Variants in LRP1B observed in about 807,000 individuals in gnomAD.
The protein encoded by LRP1B is LDL receptor related protein 1B.
A neutral mutation model predicts 556.6 loss-of-function variants in LRP1B; 217 were observed. The ratio of observed to expected loss-of-function variants is 0.39; its 90% confidence interval spans 0.35 to 0.44. LRP1B has a LOEUF of 0.44. Ranked by LOEUF, LRP1B falls within the 20% of genes least tolerant of loss-of-function variation. The pLI, the probability that LRP1B is intolerant of heterozygous loss-of-function variation, is 1.00. For synonymous variants in LRP1B, 2,047 were observed against 1,865.8 expected (o/e 1.10, Z -2.50); for missense variants, 5,053 against 5,620.8 (o/e 0.90, Z 3.23).
At chr2:141,334,403 G>C (rs557483825) in intron 3 of LRP1B, among the ~76,000 whole-genome samples, 1 of 152,320 alleles carries the variant, frequency 6.6e-6, no homozygotes, top group African/African-American at 2.4e-5. Context: ...TTTGACTTCT[G>C]CCATGAGCTA....
intron 35 of LRP1B, among the ~76,000 whole-genome samples, chr2:140,763,227 A>C (rs1688990626): frequency 6.6e-6 from 1 of 152,136 alleles, no homozygotes; most frequent in Non-Finnish European, 1.5e-5. Flanking sequence ...CTAATAATTT[A>C]CTGTGAATTG....
intron 3 of LRP1B, among the ~76,000 whole-genome samples, chr2:141,441,418 T>A (rs985147638): frequency 6.6e-6 from 1 of 152,190 alleles, no homozygotes; most frequent in African/African-American, 2.4e-5. Flanking sequence ...TTGGCATTAC[T>A]GTTTTCCACT....
intron 41 of LRP1B, among the ~76,000 whole-genome samples, chr2:140,627,845 G>A (rs912395183): frequency 2.0e-5 from 3 of 152,102 alleles, no homozygotes; most frequent in Non-Finnish European, 2.9e-5. Context: ...CGTTTTATAA[G>A]ATAGACATGA....
chr2:141,699,609 C>G (rs1197966021), intron 2 of LRP1B, among the ~76,000 whole-genome samples: 1 of 151,346 alleles, frequency 6.6e-6, no homozygotes, highest in Non-Finnish European at 1.5e-5. Flanking sequence ...CCTGGATCAC[C>G]TCTCCGGTGC....
intron 43 of LRP1B, among the ~76,000 whole-genome samples, chr2:140,571,981 T>TA (rs1681340343): frequency 6.6e-6 from 1 of 151,572 alleles, no homozygotes. Context: ...TCTCATCATA[T>TA]AAAAAAATTC....
intron 7 of LRP1B, among the ~76,000 whole-genome samples, chr2:141,091,009 A>C (rs1206321432): frequency 6.6e-6 from 1 of 152,236 alleles, no homozygotes; most frequent in Non-Finnish European, 1.5e-5. Context: ...AAGTAAAAAA[A>C]GGCAAGTCAA....
At chr2:141,319,154 A>T (rs1260204230) in intron 3 of LRP1B, among the ~76,000 whole-genome samples, 2 of 152,086 alleles carry the variant, frequency 1.3e-5, no homozygotes, top group African/African-American at 4.8e-5. Context: ...TATTTGAGTA[A>T]AGCAAACACA....
At chr2:140,457,746 T>C in intron 60 of LRP1B, 95 bp from the exon 61 acceptor site, 1 of 968,206 alleles carries the variant, frequency 1.0e-6, no homozygotes, top group Non-Finnish European at 1.6e-6. Context: ...AACTGCTACA[T>C]AACTTCGTGT....
intron 3 of LRP1B, among the ~76,000 whole-genome samples, chr2:141,428,575 A>G (rs76908315): frequency 0.041 from 6,296 of 152,216 alleles, 189 homozygotes; most frequent in Non-Finnish European, 0.059. Flanking sequence ...CATCTGTCCT[A>G]ACACCTCTTC....
At chr2:140,628,180 GAGAC>G (rs1360530986) in intron 41 of LRP1B, among the ~76,000 whole-genome samples, 1 of 152,118 alleles carries the variant, frequency 6.6e-6, no homozygotes, top group Non-Finnish European at 1.5e-5. Flanking sequence ...GTGTGACAGA[GAGAC>G]AGAGAAAGAG....
chr2:141,070,874 AC>A (rs1412149233), intron 7 of LRP1B, among the ~76,000 whole-genome samples: 1 of 152,194 alleles, frequency 6.6e-6, no homozygotes, highest in African/African-American at 2.4e-5. Flanking sequence ...TAGCTTACCA[AC>A]CAAAAAGAGT....
intron 33 of LRP1B, among the ~76,000 whole-genome samples, chr2:140,773,329 C>A (rs1369930405): frequency 6.6e-6 from 1 of 151,938 alleles, no homozygotes; most frequent in Admixed American, 6.6e-5. Context: ...ATTAGCCAGG[C>A]ATGGTAGTGA....
At chr2:141,802,565 C>T (rs1289705657) in intron 2 of LRP1B, among the ~76,000 whole-genome samples, 2 of 151,988 alleles carry the variant, frequency 1.3e-5, no homozygotes, top group African/African-American at 4.8e-5. Context: ...CTGAAAATTC[C>T]ATAGGCAGAG....
At chr2:140,666,873 G>A (rs1473763799) in intron 41 of LRP1B, among the ~76,000 whole-genome samples, 1 of 152,166 alleles carries the variant, frequency 6.6e-6, no homozygotes, top group Admixed American at 6.5e-5. Flanking sequence ...TACTGTGTGA[G>A]GAATGAAGTC....
intron 43 of LRP1B, among the ~76,000 whole-genome samples, chr2:140,592,483 T>C (rs1251806291): frequency 6.6e-6 from 1 of 152,086 alleles, no homozygotes; most frequent in African/African-American, 2.4e-5. Flanking sequence ...TCTTCTTTCT[T>C]GTCTTTGGTG....
chr2:141,256,161 T>A (rs1332578772), intron 3 of LRP1B, among the ~76,000 whole-genome samples: 1 of 152,042 alleles, frequency 6.6e-6, no homozygotes, highest in Non-Finnish European at 1.5e-5. Context: ...AAGCTGAATA[T>A]GCAGGAAGAT....
At position 141,072,149 on chromosome 2, in the gene LRP1B, C is replaced by T. The variant is rs62173699; in HGVS notation, c.1014-9876G>A. On this transcript the variant is annotated intron_variant, in intron 7 of 90. Transcript: ENST00000389484. ...GATCTGCATTCTGAAACCTTCACTCCATGATCAAGCTCCATAATATCATAA... is the reference window on the plus strand; with the variant it reads ...GATCTGCATTCTGAAACCTTCACTCTATGATCAAGCTCCATAATATCATAA... Among the ~76,000 whole-genome samples, 44 of 152,170 alleles carry T rather than the reference C, an allele frequency of 2.9e-4. 1 individual carries two copies. Among genetic ancestry groups the T allele is most frequent in the Admixed American group, 2.5e-3 (38 of 15,258 alleles).
At chr2:141,177,479 TA>T (rs926916622) in intron 7 of LRP1B, among the ~76,000 whole-genome samples, 13 of 152,072 alleles carry the variant, frequency 8.5e-5, no homozygotes, top group African/African-American at 2.9e-4. Context: ...AATATTTGGT[TA>T]AAAAATCTTT....
At chr2:140,774,445 A>C (rs1689421780) in intron 33 of LRP1B, among the ~76,000 whole-genome samples, 1 of 152,174 alleles carries the variant, frequency 6.6e-6, no homozygotes, top group South Asian at 2.1e-4. Context: ...CATTGGAATT[A>C]TATCTAGAAA....
Sources: gnomAD v4.1 joint callset for allele counts (sites outside exome capture counted in the v4.1 genomes callset) on GRCh38, gnomAD v4.1.1 for gene constraint, MANE v1.5 for transcripts, NCBI Gene and HGNC (gene_info 2026-07-23, HGNC 2026-07-21) for gene names.